Variants in CSTL1 observed in about 807,000 individuals in gnomAD.
CSTL1 encodes cystatin like 1.
A neutral mutation model predicts 14.4 loss-of-function variants in CSTL1; 14 were observed. The observed-to-expected ratio is 0.97, with a 90% CI of 0.64 to 1.52. The LOEUF is 1.52. Ranked by LOEUF, CSTL1 falls within the 40% of genes most tolerant of loss-of-function variation. The probability of loss-of-function intolerance (pLI) is 0.00; values close to 1 mark genes in which losing one functional copy is unlikely to be tolerated. For synonymous variants in CSTL1, 72 were observed against 67.5 expected (o/e 1.07, Z -0.33); for missense variants, 170 against 168.7 (o/e 1.01, Z -0.04).
chr20:23,440,519 G>C (rs769102929), intron 2 of CSTL1, 33 bp downstream of exon 2: 1 of 1,506,302 alleles, frequency 6.6e-7, no homozygotes, highest in Non-Finnish European at 9.2e-7. Flanking sequence ...ACATCAGCAG[G>C]CCCTGTTCTT....
the CSTL1 span, chr20:23,452,015 G>A: frequency 3.6e-6 from 3 of 841,148 alleles, no homozygotes; most frequent in Non-Finnish European, 6.0e-6. Flanking sequence ...ACGTCCAAGG[G>A]CAAGGAGCTG....
chr20:23,441,374 A>C (rs1027454436), intron 2 of CSTL1, among the ~76,000 whole-genome samples: 1 of 152,240 alleles, frequency 6.6e-6, no homozygotes, highest in South Asian at 2.1e-4. Flanking sequence ...CAATTGAAGG[A>C]TAATAGAAGA....
At chr20:23,446,838 A>C (rs897709595), downstream of CSTL1, among the ~76,000 whole-genome samples, 9 of 152,210 alleles carry the variant, frequency 5.9e-5, no homozygotes, top group Admixed American at 6.5e-5. Context: ...TTGAGGGAGT[A>C]TTGCTAAAGG....
the CSTL1 span, chr20:23,452,917 T>G: frequency 8.6e-6 from 7 of 817,474 alleles, no homozygotes; most frequent in Non-Finnish European, 1.4e-5. Context: ...CAGCTGGTGG[T>G]GGACACCCAC....
downstream of CSTL1, among the ~76,000 whole-genome samples, chr20:23,445,717 C>T (rs1205997154): frequency 1.3e-5 from 2 of 152,206 alleles, no homozygotes; most frequent in Non-Finnish European, 2.9e-5. Context: ...ACACACAACA[C>T]TGTGACTCAC....
At chr20:23,446,595 G>T (rs1012663668), downstream of CSTL1, among the ~76,000 whole-genome samples, 1 of 152,186 alleles carries the variant, frequency 6.6e-6, no homozygotes, top group African/African-American at 2.4e-5. Context: ...CAGGCGGGCC[G>T]TGCGAACTCA....
chr20:23,451,449 G>T, the CSTL1 span, among the ~76,000 whole-genome samples: 1 of 152,320 alleles, frequency 6.6e-6, no homozygotes, highest in African/African-American at 2.4e-5. Flanking sequence ...CCCAGCACTT[G>T]CGCGGCCTTG....
chr20:23,445,538 C>T (rs1259838726), downstream of CSTL1, among the ~76,000 whole-genome samples: 3 of 152,158 alleles, frequency 2.0e-5, no homozygotes, highest in Admixed American at 6.5e-5. Context: ...GGATTATAGG[C>T]GTGAGCTACC....
the CSTL1 span, chr20:23,450,408 A>G: frequency 1.4e-6 from 1 of 736,458 alleles, no homozygotes. Flanking sequence ...CGATCTTAAG[A>G]GAATATGTTG....
chr20:23,451,487 G>A, the CSTL1 span, among the ~76,000 whole-genome samples: 119 of 152,300 alleles, frequency 7.8e-4, no homozygotes, highest in African/African-American at 2.8e-3. Flanking sequence ...TATTCAGTCA[G>A]CGCACCTGAC....
At chr20:23,447,701 T>C (rs1308364034), downstream of CSTL1, among the ~76,000 whole-genome samples, 1 of 152,168 alleles carries the variant, frequency 6.6e-6, no homozygotes, top group East Asian at 1.9e-4. Context: ...CCTCAGGCGA[T>C]CCACCCGCCT....
chr20:23,459,334 T>G, the CSTL1 span: 4 of 152,188 alleles, frequency 2.6e-5, no homozygotes, highest in Admixed American at 6.5e-5. Flanking sequence ...GCAAATTACT[T>G]ACATTCAACG....
the CSTL1 span, chr20:23,450,479 T>C: frequency 3.5e-5 from 52 of 1,501,734 alleles, no homozygotes; most frequent in Non-Finnish European, 4.5e-5. Flanking sequence ...TCACATGCAG[T>C]GGCCGCAGTT....
rs201391031 is a variant in CSTL1, at chr20:23,443,020, CA to C, written c.220-913del. Among the ~76,000 whole-genome samples, 993 of 152,322 alleles carry C rather than the reference CA, an allele frequency of 6.5e-3. 11 individuals carry two copies. Among genetic ancestry groups the C allele is most frequent in the African/African-American group, 0.022 (910 of 41,566 alleles). On this transcript the variant is annotated intron_variant, in intron 2 of 3. Transcript: ENST00000347397. The stretch of plus-strand genomic sequence containing the variant: ...CAGGCTTCATGGCCTCACACTTGAT[CA>C]CAAGTGAAAGAGCCATGGGGAAATC...
At chr20:23,444,956 C>T (rs1023204778), downstream of CSTL1, 8 of 892,394 alleles carry the variant, frequency 9.0e-6, no homozygotes, top group Non-Finnish European at 1.3e-5. Flanking sequence ...GGTCTTATTA[C>T]ACATGCACAC....
the CSTL1 span, chr20:23,452,578 A>G: frequency 1.3e-6 from 2 of 1,588,628 alleles, no homozygotes; most frequent in Non-Finnish European, 1.7e-6. Flanking sequence ...GAAGTCATAC[A>G]CTCACCTGCC....
At chr20:23,451,398 C>G in the CSTL1 span, among the ~76,000 whole-genome samples, 1 of 152,208 alleles carries the variant, frequency 6.6e-6, no homozygotes, top group Non-Finnish European at 1.5e-5. Flanking sequence ...TCCTCCTCCC[C>G]CTGGATGAAC....
the CSTL1 span, chr20:23,450,286 A>G: frequency 2.4e-6 from 1 of 421,314 alleles, no homozygotes. Flanking sequence ...GGTCAGGAAT[A>G]ATGTAGGTCA....
At chr20:23,455,481 C>G in the CSTL1 span, among the ~76,000 whole-genome samples, 2 of 152,210 alleles carry the variant, frequency 1.3e-5, no homozygotes. Flanking sequence ...TGCTGTAACA[C>G]TAGGAATAGT....
Sources: gnomAD v4.1 joint callset for allele counts (sites outside exome capture counted in the v4.1 genomes callset) on GRCh38, gnomAD v4.1.1 for gene constraint, MANE v1.5 for transcripts, NCBI Gene and HGNC (gene_info 2026-07-23, HGNC 2026-07-21) for gene names.